The following PKNOX2 variants were observed in gnomAD, a reference collection of about 807,000 sequenced individuals.
PKNOX2 encodes the protein PBX/knotted 1 homeobox 2.
PKNOX2 carries 14 observed loss-of-function variants against 53.1 expected under a neutral mutation model. The ratio of observed to expected loss-of-function variants is 0.26; its 90% CI spans 0.17 to 0.41. The LOEUF (loss-of-function observed/expected upper bound fraction) is 0.41. Ranked by LOEUF, PKNOX2 falls within the 10% of genes least tolerant of loss-of-function variation. The probability of loss-of-function intolerance (pLI) is 1.00; values close to 1 mark genes in which losing one functional copy is unlikely to be tolerated. For missense variants in PKNOX2, 496 were observed against 602.8 expected (o/e 0.82, Z 1.85); for synonymous variants, 257 against 242.8 (o/e 1.06, Z -0.54).
intron 1 of PKNOX2, among the ~76,000 whole-genome samples, chr11:125,173,014 C>T (rs1164749826): frequency 6.6e-6 from 1 of 152,204 alleles, no homozygotes; most frequent in Non-Finnish European, 1.5e-5. Flanking sequence ...GGAAGGAACA[C>T]AGGCTTTGGA....
rs373757162 is a variant in PKNOX2 at position 125,341,743 on chromosome 11, G to A, written c.-22-9541G>A. Among the ~76,000 whole-genome samples the A allele has an allele frequency of 3.7e-4, 57 of 152,270 alleles. 1 individual carries two copies. The highest frequency in any genetic ancestry group is 1.1e-3 in the African/African-American group (45 of 41,470). ...GTGAAATACAGAACACCTTGGTAGC[G>A]GACAAGAAACACAGCAAAAGGCACG... On this transcript the variant is annotated intron_variant, in intron 3 of 12. Coordinates refer to ENST00000298282, the MANE Select transcript of PKNOX2 (RefSeq NM_001382323.2).
intron 5 of PKNOX2, among the ~76,000 whole-genome samples, chr11:125,379,048 TC>T (rs930079440): frequency 1.4e-5 from 2 of 138,804 alleles, no homozygotes; most frequent in African/African-American, 5.6e-5. Flanking sequence ...ACCTTTTTTT[TC>T]TTTCTCTTTT....
intron 1 of PKNOX2, among the ~76,000 whole-genome samples, chr11:125,172,763 G>C (rs563858926): frequency 6.6e-6 from 1 of 152,142 alleles, no homozygotes; most frequent in Non-Finnish European, 1.5e-5. Flanking sequence ...CCACAAATCC[G>C]AGCAAAGAAT....
chr11:125,222,639 GTGTGCGTA>G (rs1278358524), intron 1 of PKNOX2, among the ~76,000 whole-genome samples: 2 of 144,384 alleles, frequency 1.4e-5, no homozygotes, highest in African/African-American at 5.7e-5. Flanking sequence ...GTGTGTATGT[GTGTGCGTA>G]TGTGTGTGCT....
At chr11:125,411,464 C>T (rs1365393628) in intron 9 of PKNOX2, 1 of 83,130 alleles carries the variant, frequency 1.2e-5, no homozygotes. Context: ...CTCTGTCTTT[C>T]TCTCTCTCTC....
chr11:125,396,376 T>C (rs1009053674), intron 6 of PKNOX2, among the ~76,000 whole-genome samples: 3 of 152,210 alleles, frequency 2.0e-5, no homozygotes, highest in African/African-American at 7.2e-5. Flanking sequence ...CTTTGATCCA[T>C]TTTGAGTTAA....
At chr11:125,322,256 A>T (rs1317042243) in intron 2 of PKNOX2, among the ~76,000 whole-genome samples, 1 of 152,162 alleles carries the variant, frequency 6.6e-6, no homozygotes, top group African/African-American at 2.4e-5. Context: ...GGGTGATCTG[A>T]GGTCCTAGGG....
chr11:125,321,948 CT>C (rs1213318751), intron 2 of PKNOX2, among the ~76,000 whole-genome samples: 3 of 151,528 alleles, frequency 2.0e-5, no homozygotes, highest in African/African-American at 7.3e-5. Context: ...TCACTCGAGT[CT>C]TTTTTATAAG....
chr11:125,261,535 C>T (rs1297599816), intron 2 of PKNOX2, among the ~76,000 whole-genome samples: 1 of 152,218 alleles, frequency 6.6e-6, no homozygotes, highest in Non-Finnish European at 1.5e-5. Flanking sequence ...CTTGTGGAGA[C>T]TTCTTCCACA....
chr11:125,175,348 C>T (rs1029176863), intron 1 of PKNOX2, among the ~76,000 whole-genome samples: 1 of 152,234 alleles, frequency 6.6e-6, no homozygotes, highest in Non-Finnish European at 1.5e-5. Context: ...AGCATTTCTG[C>T]TGCACAGAGT....
At chr11:125,169,606 G>C (rs1384720089) in intron 1 of PKNOX2, among the ~76,000 whole-genome samples, 1 of 152,098 alleles carries the variant, frequency 6.6e-6, no homozygotes, top group African/African-American at 2.4e-5. Context: ...TCTGGGCCTT[G>C]GTTTCTTCAT....
intron 2 of PKNOX2, among the ~76,000 whole-genome samples, chr11:125,326,856 G>A (rs1467916082): frequency 2.0e-5 from 3 of 152,224 alleles, no homozygotes; most frequent in African/African-American, 4.8e-5. Context: ...GTGTGATGAA[G>A]CTGGTCCTGG....
intron 2 of PKNOX2, among the ~76,000 whole-genome samples, chr11:125,311,678 G>T (rs1213434181): frequency 6.6e-6 from 1 of 152,206 alleles, no homozygotes; most frequent in African/African-American, 2.4e-5. Flanking sequence ...ACAGCTTTGT[G>T]TGGTGATTGT....
intron 2 of PKNOX2, among the ~76,000 whole-genome samples, chr11:125,267,586 G>T (rs565695776): frequency 6.6e-5 from 10 of 152,326 alleles, no homozygotes; most frequent in Admixed American, 5.2e-4. Flanking sequence ...ACTCCAGCAG[G>T]TATCTGGAAG....
chr11:125,221,250 A>C (rs781487209), intron 1 of PKNOX2, among the ~76,000 whole-genome samples: 4 of 152,174 alleles, frequency 2.6e-5, no homozygotes, highest in African/African-American at 4.8e-5. Flanking sequence ...GGGGCATCCC[A>C]GGAGATAGTG....
At chr11:125,196,299 G>A (rs1276125872) in intron 1 of PKNOX2, among the ~76,000 whole-genome samples, 1 of 152,146 alleles carries the variant, frequency 6.6e-6, no homozygotes, top group East Asian at 1.9e-4. Flanking sequence ...TGTGCGTGCT[G>A]ACTGTGTCGG....
intron 1 of PKNOX2, among the ~76,000 whole-genome samples, chr11:125,205,723 A>G (rs1591480409): frequency 1.3e-5 from 2 of 152,160 alleles, no homozygotes; most frequent in Middle Eastern, 6.8e-3. Flanking sequence ...CGACTTCCCC[A>G]GACTGTGTTA....
intron 2 of PKNOX2, among the ~76,000 whole-genome samples, chr11:125,295,247 A>G (rs1296533202): frequency 6.6e-6 from 1 of 152,232 alleles, no homozygotes; most frequent in Non-Finnish European, 1.5e-5. Flanking sequence ...GGTAGCATGA[A>G]AAGTTGAAGG....
intron 2 of PKNOX2, among the ~76,000 whole-genome samples, chr11:125,246,035 C>T (rs532089459): frequency 1.3e-5 from 2 of 152,290 alleles, no homozygotes; most frequent in Admixed American, 1.3e-4. Flanking sequence ...GAAGAAGAAC[C>T]TCACCAATTC....
Sources: gnomAD v4.1 joint callset for allele counts (sites outside exome capture counted in the v4.1 genomes callset) on GRCh38, gnomAD v4.1.1 for gene constraint, MANE v1.5 for transcripts, NCBI Gene and HGNC (gene_info 2026-07-23, HGNC 2026-07-21) for gene names.